TMEM132B: variants seen among roughly 807,000 people sequenced by gnomAD.
The protein encoded by TMEM132B is transmembrane protein 132B.
Under a neutral mutation model 90.8 loss-of-function variants are expected in TMEM132B, and 18 were observed. The ratio of observed to expected loss-of-function variants is 0.20; its 90% CI spans 0.14 to 0.29. The LOEUF (loss-of-function observed/expected upper bound fraction) is 0.29, where lower values mean the gene tolerates loss of function less well. TMEM132B is among the 10% of genes least tolerant of loss of function. The probability of loss-of-function intolerance (pLI) is 1.00; values close to 1 mark genes in which losing one functional copy is unlikely to be tolerated. For synonymous variants in TMEM132B, 504 were observed against 523.3 expected (o/e 0.96, Z 0.50); for missense variants, 1,096 against 1,326.8 (o/e 0.83, Z 2.70).
chr12:125,276,639 C>A (rs1430171444), intron 1 of TMEM132B, among the ~76,000 whole-genome samples: 1 of 152,128 alleles, frequency 6.6e-6, no homozygotes, highest in African/African-American at 2.4e-5. Context: ...GGGTGTGAGT[C>A]CCTCGTGCCT....
Position 125,653,792 on chromosome 12 carries a change from G to A in TMEM132B, c.2334G>A (p.Lys778=). 6.2e-7 allele frequency: 1 copy of A among 1,614,242 alleles called. No individual in the cohort carries two copies. The highest frequency in any genetic ancestry group is 8.5e-7 in the Non-Finnish European group (1 of 1,180,056). The change falls in exon 9 of 9, where the codon AAG becomes AAA. Residue 778 remains lysine, a synonymous_variant. Transcript: ENST00000682704. ...TAAGTGAACCTTGTCAGAAGACCAA[G>A]AGGAAGAGTGTTCTTGCCGTGGGTA... ...MMISEPCQKT[K]RKSVLAVGKG... is the part of the protein sequence containing the mutation.
chr12:125,260,922 T>TTGTGTGTGTGTGTGTGTGTG (rs60739492), intron 1 of TMEM132B, among the ~76,000 whole-genome samples: 79 of 148,252 alleles, frequency 5.3e-4, no homozygotes, highest in African/African-American at 1.4e-3. Context: ...TCTCTACAGA[T>TTGTGTGTGTGTGTGTGTGTG]TGTGTGTGTG....
At chr12:125,455,993 A>G (rs1881283308) in intron 3 of TMEM132B, among the ~76,000 whole-genome samples, 1 of 152,194 alleles carries the variant, frequency 6.6e-6, no homozygotes, top group Non-Finnish European at 1.5e-5. Context: ...TGCAACTACT[A>G]CGTTCCACTG....
chr12:125,272,541 C>T (rs1422642051), intron 1 of TMEM132B, among the ~76,000 whole-genome samples: 1 of 152,084 alleles, frequency 6.6e-6, no homozygotes, highest in Non-Finnish European at 1.5e-5. Context: ...AGATGTCCTG[C>T]ACTGCTCGAG....
intron 3 of TMEM132B, among the ~76,000 whole-genome samples, chr12:125,483,168 A>C (rs1882099031): frequency 6.6e-6 from 1 of 152,158 alleles, no homozygotes; most frequent in African/African-American, 2.4e-5. Context: ...TGGGTGCAGC[A>C]AACCAACACG....
intron 7 of TMEM132B, 63 bp downstream of exon 7, chr12:125,651,016 T>C: frequency 6.3e-7 from 1 of 1,586,406 alleles, no homozygotes; most frequent in South Asian, 1.1e-5. Flanking sequence ...GTAGATGCTG[T>C]TGTGCAGATG....
chr12:125,377,601 C>A (rs1878534079), intron 2 of TMEM132B, among the ~76,000 whole-genome samples: 1 of 152,146 alleles, frequency 6.6e-6, no homozygotes, highest in South Asian at 2.1e-4. Flanking sequence ...TAGCTCAGAA[C>A]AGGGCCTGGC....
At chr12:125,326,142 C>T (rs557350918) in intron 1 of TMEM132B, among the ~76,000 whole-genome samples, 9 of 152,260 alleles carry the variant, frequency 5.9e-5, no homozygotes, top group Non-Finnish European at 1.3e-4. Flanking sequence ...CCTTAATGGC[C>T]GGCACTAGGT....
chr12:125,589,277 T>C (rs553106070), intron 5 of TMEM132B, among the ~76,000 whole-genome samples: 2 of 152,008 alleles, frequency 1.3e-5, no homozygotes, highest in South Asian at 2.1e-4. Flanking sequence ...GGTCAGGAGA[T>C]CGAGACCATC....
chr12:125,229,237 G>A (rs1201934097), intron 1 of TMEM132B, among the ~76,000 whole-genome samples: 2 of 152,198 alleles, frequency 1.3e-5, no homozygotes, highest in Non-Finnish European at 2.9e-5. Context: ...TGATGGATAA[G>A]GTCACCATTT....
chr12:125,629,262 T>C (rs1455220377), intron 5 of TMEM132B, among the ~76,000 whole-genome samples: 1 of 152,134 alleles, frequency 6.6e-6, no homozygotes, highest in Non-Finnish European at 1.5e-5. Context: ...TTAACAATAC[T>C]TCCAGCACAT....
intron 5 of TMEM132B, among the ~76,000 whole-genome samples, chr12:125,640,929 G>GACACACAC (rs60088908): frequency 0.012 from 1,752 of 149,410 alleles, 27 homozygotes; most frequent in African/African-American, 0.034. Context: ...AGGAGAAATA[G>GACACACAC]ACACACACAC....
At chr12:125,261,397 C>T (rs1264912898) in intron 1 of TMEM132B, among the ~76,000 whole-genome samples, 3 of 152,054 alleles carry the variant, frequency 2.0e-5, no homozygotes, top group African/African-American at 7.2e-5. Flanking sequence ...GACTGTGTAC[C>T]AGGTGGTCTT....
intron 1 of TMEM132B, among the ~76,000 whole-genome samples, chr12:125,278,622 G>A (rs1875072374): frequency 6.6e-6 from 1 of 152,028 alleles, no homozygotes; most frequent in South Asian, 2.1e-4. Context: ...TGGGGATGGG[G>A]TGGGAATGAG....
chr12:125,387,546 T>G (rs1878876616), intron 2 of TMEM132B, among the ~76,000 whole-genome samples: 1 of 152,198 alleles, frequency 6.6e-6, no homozygotes, highest in South Asian at 2.1e-4. Context: ...TCCCTCCTTC[T>G]GTAGGTTGAA....
At position 125,509,329 on chromosome 12, in the gene TMEM132B, G is replaced by A. The variant is rs1281569787; in HGVS notation, c.1107-10110G>A. Among the ~76,000 whole-genome samples the A allele has an allele frequency of 3.3e-5, 5 of 152,290 alleles. No homozygotes were observed. In the East Asian group the frequency reaches 5.8e-4, roughly 18 times the overall value. ...TCCTGGCGCTCTAGTTATGGGTACC[G>A]TTCACCACTTCTCTGCGCATGCAGG... is the stretch of plus-strand genomic sequence containing the variant. On this transcript the variant is annotated intron_variant, in intron 3 of 8. Coordinates refer to ENST00000682704, the MANE Select transcript of TMEM132B (RefSeq NM_001366854.1).
chr12:125,332,134 C>T (rs1876795642), intron 1 of TMEM132B, among the ~76,000 whole-genome samples: 1 of 152,104 alleles, frequency 6.6e-6, no homozygotes, highest in South Asian at 2.1e-4. Flanking sequence ...GAATAAATGT[C>T]TAAAGAGCTA....
intron 2 of TMEM132B, among the ~76,000 whole-genome samples, chr12:125,400,038 C>T (rs1879272947): frequency 2.6e-5 from 4 of 152,168 alleles, no homozygotes; most frequent in Admixed American, 2.0e-4. Context: ...GATGATTGTT[C>T]TTATCTGTAG....
rs545722701 is a variant in TMEM132B, at chr12:125,213,796, A to G, written c.67+26930A>G. The stretch of plus-strand genomic sequence containing the variant: ...TTATTCATCCACCTGTACTCCTAGC[A>G]TCAAGGGAGGTTCCTTGTGGCCAGT... On this transcript the variant is annotated intron_variant, in intron 1 of 8. Coordinates refer to ENST00000682704, the MANE Select transcript of TMEM132B (RefSeq NM_001366854.1). This position sits in a 1 kb window ranked among gnomAD's most constrained non-coding sequence, Gnocchi z 4.2. Among the ~76,000 whole-genome samples, 1 of 152,254 alleles carries G rather than the reference A, an allele frequency of 6.6e-6. No individual in the cohort carries two copies. Among genetic ancestry groups the G allele is most frequent in the Non-Finnish European group, 1.5e-5 (1 of 68,044 alleles).
Sources: gnomAD v4.1 joint callset for allele counts (sites outside exome capture counted in the v4.1 genomes callset) on GRCh38, gnomAD v4.1.1 for gene constraint, Gnocchi (gnomAD v3.1) non-coding constraint, MANE v1.5 for transcripts, NCBI Gene and HGNC (gene_info 2026-07-23, HGNC 2026-07-21) for gene names.